The following CXorf58 variants were observed in gnomAD, a reference collection of about 807,000 sequenced individuals.
CXorf58 encodes the protein chromosome X open reading frame 58.
CXorf58 carries 24 observed loss-of-function variants against 26.0 expected under a neutral mutation model. The observed-to-expected ratio is 0.92, with a 90% CI of 0.67 to 1.30. The LOEUF (loss-of-function observed/expected upper bound fraction) is 1.30, where lower values mean the gene tolerates loss of function less well. CXorf58 is among the 50% of genes most tolerant of loss of function. The pLI, the probability that CXorf58 is intolerant of heterozygous loss-of-function variation, is 0.00. For missense variants in CXorf58, 236 were observed against 263.9 expected (o/e 0.89, Z 0.73); for synonymous variants, 87 against 86.1 (o/e 1.01, Z -0.06).
chrX:23,915,945 AG>A (rs1244727480), intron 4 of CXorf58, 151 bp downstream of exon 4: 1 of 457,779 alleles, frequency 2.2e-6, no homozygotes, highest in Non-Finnish European at 3.8e-6. Context: ...GAAGAAACCG[AG>A]GCATGACTCT....
In CXorf58 at chrX:23,911,051, G is replaced by A. The variant is rs72620461; in HGVS notation, c.116+633G>A. On this transcript the variant is annotated intron_variant, in intron 2 of 8. Transcript: ENST00000379211. ...CAAACTGCTGGAATTACAGGCGTGA[G>A]TCACTGTGTCTGGCCTAGCCTTTTC... Among the ~76,000 whole-genome samples the A allele has an allele frequency of 6.3e-4, 70 of 111,210 alleles. 1 individual carries two copies. The East Asian group carries it at 0.016, about 25-fold the overall frequency.
At position 23,938,662 on chromosome X, in the gene CXorf58, G is replaced by A. The variant is rs746616261; in HGVS notation, c.901G>A (p.Val301Ile). ...AQMKVEKMRKVYLAKEKNTSE... is the reference protein window; with the variant it reads ...AQMKVEKMRKIYLAKEKNTSE... ...AATGAAAGTTGAAAAAATGAGAAAA[G>A]TTTATTTGGCTAAAGAAAAAAATAC... The change falls in exon 8 of 9, where the codon GTT (valine) becomes ATT (isoleucine). Residue 301 changes from valine to isoleucine, a missense_variant. Physicochemically the swap from Val to Ile is conservative, Grantham distance 29. Coordinates refer to ENST00000379211, the MANE Select transcript of CXorf58 (RefSeq NM_152761.3). 2.5e-6 allele frequency: 3 copies of A among 1,182,394 alleles called. No individual in the cohort carries two copies. Among genetic ancestry groups the A allele is most frequent in the Non-Finnish European group, 3.4e-6 (3 of 879,920 alleles).
chrX:23,919,800 T>C (rs866478843), intron 5 of CXorf58, among the ~76,000 whole-genome samples: 2 of 112,745 alleles, frequency 1.8e-5, no homozygotes, highest in African/African-American at 6.4e-5. Flanking sequence ...GCTTTCCAAG[T>C]ATTCAAAGGG....
chrX:23,939,069 T>G (rs976655812), intron 8 of CXorf58, among the ~76,000 whole-genome samples, 175 bp from the exon 9 acceptor site: 1 of 112,185 alleles, frequency 8.9e-6, no homozygotes, highest in Non-Finnish European at 1.9e-5. Context: ...TCTGCCTCAG[T>G]ATACTTTTAC....
chrX:23,938,563 G>C lies in CXorf58; in HGVS notation c.802G>C (p.Val268Leu). Residue 268 changes from valine (V) to leucine (L), a missense_variant, in exon 8 of 9, where the codon GTC (valine) becomes CTC (leucine). By Grantham distance (32) the Val-to-Leu change is conservative (BLOSUM62 1). Coordinates refer to ENST00000379211, the MANE Select transcript of CXorf58 (RefSeq NM_152761.3). ...VSEIRGPYLT[V>L]QPLYRPYKQQ... ...ATTTTCTAGGGGTCCATACTTAACTGTCCAACCTCTATATCGGCCCTACAA... is the reference window on the plus strand; with the variant it reads ...ATTTTCTAGGGGTCCATACTTAACTCTCCAACCTCTATATCGGCCCTACAA... The C allele has an allele frequency of 8.5e-7, 1 of 1,177,901 alleles. No homozygotes were observed. Among genetic ancestry groups the C allele is most frequent in the East Asian group, 3.0e-5 (1 of 33,034 alleles).
At chrX:23,935,056 G>GT (rs1463311651) in intron 6 of CXorf58, 140 bp from the exon 7 acceptor site, 1 of 482,770 alleles carries the variant, frequency 2.1e-6, no homozygotes, top group Non-Finnish European at 3.6e-6. Context: ...GTAGAGATGG[G>GT]TTTTCACCAT....
chrX:23,912,723 G>A (rs1350029734), intron 3 of CXorf58, among the ~76,000 whole-genome samples: 21 of 111,427 alleles, frequency 1.9e-4, no homozygotes, highest in Admixed American at 3.8e-4. Context: ...CAGCCTGGGC[G>A]ACAGTGAGAC....
intron 3 of CXorf58, among the ~76,000 whole-genome samples, 186 bp downstream of exon 3, chrX:23,912,042 C>T (rs1927596134): frequency 1.8e-5 from 2 of 108,673 alleles, no homozygotes; most frequent in Non-Finnish European, 3.8e-5. Flanking sequence ...ACCTCTGCCT[C>T]CCAGGTTCAA....
At chrX:23,925,312 G>A in intron 5 of CXorf58, among the ~76,000 whole-genome samples, 1 of 107,567 alleles carries the variant, frequency 9.3e-6, no homozygotes, top group Non-Finnish European at 1.9e-5. Flanking sequence ...GTGATTCTCA[G>A]TTTTGATCCT....
chrX:23,923,193 A>T (rs1311372844), intron 5 of CXorf58, among the ~76,000 whole-genome samples: 3 of 111,554 alleles, frequency 2.7e-5, no homozygotes, highest in Non-Finnish European at 5.6e-5. Flanking sequence ...AACATTTCTC[A>T]AACCCCTCTC....
At chrX:23,929,405 C>CAA (rs1169185534) in intron 6 of CXorf58, among the ~76,000 whole-genome samples, 12 of 36,383 alleles carry the variant, frequency 3.3e-4, no homozygotes, top group African/African-American at 8.2e-4. Context: ...GACTGTGTCT[C>CAA]AAAAAAAAAA....
chrX:23,913,069 C>G (rs974734608), intron 3 of CXorf58, among the ~76,000 whole-genome samples: 3 of 111,410 alleles, frequency 2.7e-5, no homozygotes, highest in Non-Finnish European at 3.8e-5. Flanking sequence ...GCATATCCCC[C>G]CTCCTCCAGA....
Position 23,938,606 on chromosome X carries a change from A to T in CXorf58, c.845A>T (p.Lys282Ile). Reference sequence around the variant, plus strand: ...CCCTACAAACAGCAAAATCAAGTTAAATTTCTGGGTCGTCGATCCAAGCAA... The same window carrying T: ...CCCTACAAACAGCAAAATCAAGTTATATTTCTGGGTCGTCGATCCAAGCAA... ...YRPYKQQNQV[K>I]FLGRRSKQAQ... Residue 282 changes from lysine (K) to isoleucine (I), a missense_variant, in exon 8 of 9, where the codon AAA becomes ATA. By Grantham distance (102) the Lys-to-Ile change is moderately radical. Coordinates refer to ENST00000379211, the MANE Select transcript of CXorf58 (RefSeq NM_152761.3). 8.3e-7 allele frequency: 1 copy of T among 1,197,794 alleles called. No homozygotes were observed. Among genetic ancestry groups the T allele is most frequent in the South Asian group, 1.8e-5 (1 of 55,022 alleles).
chrX:23,924,538 G>A (rs890365159), intron 5 of CXorf58, among the ~76,000 whole-genome samples: 1 of 109,478 alleles, frequency 9.1e-6, no homozygotes, highest in Non-Finnish European at 1.9e-5. Flanking sequence ...GGCCAGGCTG[G>A]AATCGAACCC....
At position 23,910,318 on chromosome X, in the gene CXorf58, A is replaced by G; in HGVS notation, c.16A>G (p.Asn6Asp). 1 of 1,184,262 alleles carries G rather than the reference A, an allele frequency of 8.4e-7. No individual in the cohort carries two copies. The highest frequency in any genetic ancestry group is 1.1e-6 in the Non-Finnish European group (1 of 874,134). Reference sequence around the variant, plus strand: ...TGGAGGGAAAATGAATCGTTCCTCAAATGTACCACGTAAAGGTATTCTGAA... The same window carrying G: ...TGGAGGGAAAATGAATCGTTCCTCAGATGTACCACGTAAAGGTATTCTGAA... MNRSS[N>D]VPRKGILKSG... Residue 6 changes from asparagine (N) to aspartate (D), a missense_variant, in exon 2 of 9, where the codon AAT becomes GAT. By Grantham distance (23) the Asn-to-Asp change is conservative. Transcript: ENST00000379211.
chrX:23,911,861 G>A lies in CXorf58; in HGVS notation c.216+5G>A. On this transcript the variant is annotated splice_donor_5th_base_variant and intron_variant, in intron 3 of 8. Transcript: ENST00000379211. ...AAACACGCAATTTGTGCAGCGGTATGTATTTTGCTTATTTTTTTCTCTGAG... is the reference window on the plus strand; with the variant it reads ...AAACACGCAATTTGTGCAGCGGTATATATTTTGCTTATTTTTTTCTCTGAG... 1.8e-6 allele frequency: 2 copies of A among 1,142,539 alleles called. No individual in the cohort carries two copies. The highest frequency in any genetic ancestry group is 2.4e-6 in the Non-Finnish European group (2 of 841,088). The allele number at this position is 1,142,539 out of a possible 1,213,427, so 94.2% of individuals were successfully genotyped here.
At chrX:23,928,918 A>G in intron 6 of CXorf58, among the ~76,000 whole-genome samples, 1 of 111,860 alleles carries the variant, frequency 8.9e-6, no homozygotes, top group South Asian at 3.7e-4. Context: ...CAAAAGCTAG[A>G]AATGACGAAG....
chrX:23,930,418 T>C (rs1386036340), intron 6 of CXorf58, among the ~76,000 whole-genome samples: 1 of 107,121 alleles, frequency 9.3e-6, no homozygotes, highest in African/African-American at 3.4e-5. Flanking sequence ...CTCTTGAAGA[T>C]GGAGTTTGAG....
intron 3 of CXorf58, among the ~76,000 whole-genome samples, chrX:23,914,649 G>A (rs756312644): frequency 1.8e-4 from 20 of 111,451 alleles, no homozygotes; most frequent in Admixed American, 9.5e-4. Flanking sequence ...ACTTTGGGAG[G>A]CTGAGGCGGG....
Sources: gnomAD v4.1 joint callset for allele counts (sites outside exome capture counted in the v4.1 genomes callset) on GRCh38, gnomAD v4.1.1 for gene constraint, MANE v1.5 for transcripts, NCBI Gene and HGNC (gene_info 2026-07-23, HGNC 2026-07-21) for gene names.